NOP9: variants seen among roughly 807,000 people sequenced by gnomAD.
NOP9 encodes the protein nucleolar protein 9.
In NOP9, 50 loss-of-function variants were observed where a neutral mutation model predicts 63.0. The ratio of observed to expected loss-of-function variants is 0.79; its 90% CI spans 0.63 to 1.00. NOP9 has a LOEUF of 1.00. NOP9 is among the 50% of genes least tolerant of loss of function. NOP9 has a pLI of 0.00. For synonymous variants in NOP9, 343 were observed against 332.8 expected (o/e 1.03, Z -0.33); for missense variants, 758 against 803.0 (o/e 0.94, Z 0.68).
the NOP9 span, among the ~76,000 whole-genome samples, chr14:24,283,071 A>G: frequency 6.6e-6 from 1 of 152,158 alleles, no homozygotes; most frequent in African/African-American, 2.4e-5. Context: ...CCAACTCTAG[A>G]TTGGCTTTTA....
chr14:24,291,127 C>T, the NOP9 span: 3 of 1,614,082 alleles, frequency 1.9e-6, no homozygotes, highest in East Asian at 4.5e-5. Flanking sequence ...ACTGCTGTGC[C>T]AGGGTCCTCA....
rs1289190181 is a variant in NOP9 at position 24,308,445 on chromosome 14, GGGTCCTGTCTGGGACACT to G, written c.*3353_*3370del. 6.3e-6 allele frequency: 1 copy of G among 158,426 alleles called. No individual in the cohort carries two copies. Among genetic ancestry groups the G allele is most frequent in the African/African-American group, 2.4e-5 (1 of 41,482 alleles). 9.8% of individuals were successfully genotyped at this position (158,426 alleles called of 1,614,324 possible). ...CTGATACATGGATTCAGGATCATTA[GGGTCCTGTCTGGGACACT>G]GGCCTTCCTGCTTACCTGCTCTTTC... On this transcript the variant is annotated 3_prime_UTR_variant, in exon 10 of 10. Coordinates refer to ENST00000267425, the MANE Select transcript of NOP9 (RefSeq NM_174913.3).
At chr14:24,292,488 C>A in the NOP9 span, 1 of 1,483,308 alleles carries the variant, frequency 6.7e-7, no homozygotes, top group Non-Finnish European at 9.2e-7. Context: ...CCTACTCTAG[C>A]CAACCAAGAG....
rs758208237 is a variant in NOP9 at position 24,307,408 on chromosome 14, C to A, written c.*2313C>A. 2.5e-6 allele frequency: 4 copies of A among 1,613,774 alleles called. No individual in the cohort carries two copies. In the East Asian group the frequency reaches 6.7e-5, roughly 27 times the overall value. On this transcript the variant is annotated 3_prime_UTR_variant, in exon 10 of 10. Transcript: ENST00000267425. ...CTCCTGGCGGGTGGCAGCTGTCAGG[C>A]CTTTCCGGATGGTCCGCTTGTGATC...
chr14:24,295,030 C>G (rs1439467347), upstream of NOP9, among the ~76,000 whole-genome samples: 2 of 152,096 alleles, frequency 1.3e-5, no homozygotes, highest in African/African-American at 4.8e-5. Context: ...TCTTTGTTTT[C>G]TTTTCTTTTT....
chr14:24,304,509 T>C lies in NOP9; in HGVS notation c.1664T>C (p.Leu555Pro). Residue 555 changes from leucine (L) to proline (P), a missense_variant, in exon 9 of 10, where the codon CTG becomes CCG. Transcript: ENST00000267425. ...LQNLKGQYVA[L>P]ACSRHGSRVL... ...TCCATACAGGGACAATATGTGGCTC[T>C]GGCCTGTAGTCGCCATGGCAGCCGT... 6.2e-7 allele frequency: 1 copy of C among 1,611,456 alleles called. No homozygotes were observed. Among genetic ancestry groups the C allele is most frequent in the Non-Finnish European group, 8.5e-7 (1 of 1,179,204 alleles).
At chr14:24,297,720 A>T (rs2041277432), upstream of NOP9, among the ~76,000 whole-genome samples, 1 of 152,118 alleles carries the variant, frequency 6.6e-6, no homozygotes, top group South Asian at 2.1e-4. Context: ...CCAGCCTCTC[A>T]CTCACTACTC....
At chr14:24,293,226 CT>C in the NOP9 span, 1,956 of 155,658 alleles carry the variant, frequency 0.013, 16 homozygotes, top group Non-Finnish European at 0.02. Flanking sequence ...TCAATAAGAC[CT>C]TTTGGAGGAA....
chr14:24,291,742 C>A, the NOP9 span: 1 of 1,110,894 alleles, frequency 9.0e-7, no homozygotes, highest in Non-Finnish European at 1.4e-6. Flanking sequence ...AGGCCAAAGA[C>A]CTCAAGCAGG....
chr14:24,304,260 G>A lies in NOP9; in HGVS notation c.1630G>A (p.Val544Met), dbSNP rs766062870. Residue 544 changes from valine to methionine, a missense_variant, in exon 8 of 10, where the codon GTG (valine) becomes ATG (methionine). By Grantham distance (21) the Val-to-Met change is conservative (BLOSUM62 1). Transcript: ENST00000267425. Reference protein sequence around the residue: ...PSVTRKLRRRVLQNLKGQYVA... With the variant: ...PSVTRKLRRRMLQNLKGQYVA... Reference sequence around the variant, plus strand: ...TGTGACGCGCAAGCTGCGCCGCCGTGTGCTGCAGAACCTAAAGGTTAGATT... The same window carrying A: ...TGTGACGCGCAAGCTGCGCCGCCGTATGCTGCAGAACCTAAAGGTTAGATT... The A allele has an allele frequency of 1.2e-6, 2 of 1,613,792 alleles. No homozygotes were observed. The highest frequency in any genetic ancestry group is 1.7e-5 in the Admixed American group (1 of 60,022).
rs752083048 is a variant in NOP9 at position 24,300,736 on chromosome 14, T to G, written c.576T>G (p.Asp192Glu). The stretch of plus-strand genomic sequence containing the variant: ...TGGGACTAGCCGCTGAGGTGTGTGA[T>G]GATTTTCTTGTCTACTGTGGAGACA... The part of the protein sequence containing the change: ...LVLGLAAEVC[D>E]DFLVYCGDTH... The change falls in exon 2 of 10, where the codon GAT (aspartate) becomes GAG (glutamate). Residue 192 changes from aspartate (D) to glutamate (E), a missense_variant. Coordinates refer to ENST00000267425, the MANE Select transcript of NOP9 (RefSeq NM_174913.3). 1 of 1,614,166 alleles carries G rather than the reference T, an allele frequency of 6.2e-7. No individual in the cohort carries two copies. The highest frequency in any genetic ancestry group is 1.1e-5 in the South Asian group (1 of 91,082).
chr14:24,303,882 A>G (rs201048704), intron 7 of NOP9, 25 bp downstream of exon 7: 2 of 1,611,526 alleles, frequency 1.2e-6, no homozygotes. Flanking sequence ...AGGCCAAGCC[A>G]GTGACTAATT....
the NOP9 span, chr14:24,294,628 A>T: frequency 7.2e-6 from 1 of 139,418 alleles, no homozygotes; most frequent in Non-Finnish European, 1.6e-5. Context: ...ACAACAACAG[A>T]CGAGTGGGGG....
Position 24,307,845 on chromosome 14 carries a change from G to A in NOP9, c.*2750G>A. 6.3e-7 allele frequency: 1 copy of A among 1,595,050 alleles called. No individual in the cohort carries two copies. Among genetic ancestry groups the A allele is most frequent in the South Asian group, 1.1e-5 (1 of 87,910 alleles). On this transcript the variant is annotated 3_prime_UTR_variant, in exon 10 of 10. Transcript: ENST00000267425. ...GAGTAAGTCACTGGGGTTCAGAGCT[G>A]AGAGGTACTCCATGGTGGACCGGAG...
chr14:24,303,236 T>C, intron 6 of NOP9, 22 bp downstream of exon 6: 1 of 1,613,886 alleles, frequency 6.2e-7, no homozygotes, highest in Non-Finnish European at 8.5e-7. Context: ...TTACCCACAA[T>C]CTGTTTATGC....
chr14:24,281,345 G>T, the NOP9 span, among the ~76,000 whole-genome samples: 1 of 152,198 alleles, frequency 6.6e-6, no homozygotes, highest in African/African-American at 2.4e-5. Context: ...CAGGGAGGAA[G>T]GGTGGAGCTC....
chr14:24,277,653 A>C, the NOP9 span, among the ~76,000 whole-genome samples: 3 of 152,242 alleles, frequency 2.0e-5, no homozygotes, highest in African/African-American at 7.2e-5. Flanking sequence ...GAAGCAATAA[A>C]GCCTGGCCTT....
At chr14:24,304,412 C>T in intron 8 of NOP9, 81 bp from the exon 9 acceptor site, 5 of 1,387,568 alleles carry the variant, frequency 3.6e-6, no homozygotes, top group Non-Finnish European at 5.0e-6. Context: ...TTAAACTCTT[C>T]AGAAAATTCA....
chr14:24,303,887 C>A, intron 7 of NOP9, 30 bp downstream of exon 7: 1 of 1,610,490 alleles, frequency 6.2e-7, no homozygotes, highest in African/African-American at 1.3e-5. Flanking sequence ...AAGCCAGTGA[C>A]TAATTGGGAG....
Sources: allele counts gnomAD v4.1 joint callset (sites outside exome capture counted in the v4.1 genomes callset), GRCh38; gene constraint gnomAD v4.1.1; transcripts MANE v1.5; gene names NCBI Gene and HGNC (gene_info 2026-07-23, HGNC 2026-07-21).